The following ATXN2 variants were observed in gnomAD, a reference collection of about 807,000 sequenced individuals.
The protein encoded by ATXN2 is ataxin 2.
ATXN2 carries 37 observed loss-of-function variants against 138.6 expected under a neutral mutation model. The observed-to-expected ratio is 0.27, with a 90% CI of 0.21 to 0.35. The LOEUF is 0.35. Among genes scored for constraint, ATXN2 ranks in the 10% least tolerant of loss-of-function variants. ATXN2 has a pLI of 1.00. For missense variants in ATXN2, 1,216 were observed against 1,480.3 expected (o/e 0.82, Z 2.93); for synonymous variants, 549 against 543.7 (o/e 1.01, Z -0.13).
chr12:111,580,618 A>G, intron 1 of ATXN2, among the ~76,000 whole-genome samples: 1 of 135,598 alleles, frequency 7.4e-6, no homozygotes, highest in African/African-American at 2.7e-5. Context: ...CCTCAGCAAC[A>G]TAAGGAGACC....
At chr12:111,590,210 T>A (rs925527038) in intron 1 of ATXN2, among the ~76,000 whole-genome samples, 1 of 152,020 alleles carries the variant, frequency 6.6e-6, no homozygotes, top group Non-Finnish European at 1.5e-5. Flanking sequence ...TGAGACTCTG[T>A]CTCAAAATAA....
intron 5 of ATXN2, among the ~76,000 whole-genome samples, chr12:111,537,547 C>T (rs1337081017): frequency 6.7e-6 from 1 of 149,752 alleles, no homozygotes; most frequent in South Asian, 2.1e-4. Context: ...CATGCCACTG[C>T]GCTCCAGCCT....
chr12:111,516,462 T>C lies in ATXN2; in HGVS notation c.1166-99A>G. On this transcript the variant is annotated intron_variant, in intron 9 of 24. Transcript: ENST00000673436. The surrounding 1 kb of genome is among the most constrained non-coding windows in gnomAD (Gnocchi z 5.0). ...AAAGTAAAATGACAAAAATGATTTC[T>C]TGTACATTTTAACCCTTTGAGGACA... The C allele has an allele frequency of 8.5e-6, 10 of 1,171,796 alleles. No individual in the cohort carries two copies. Among genetic ancestry groups the C allele is most frequent in the Non-Finnish European group, 1.2e-5 (10 of 835,660 alleles). 72.6% of individuals were successfully genotyped at this position (1,171,796 alleles called of 1,614,324 possible).
rs118001907 is a variant in ATXN2 at position 111,554,397 on chromosome 12, C to T, written c.289-180G>A. On this transcript the variant is annotated intron_variant, in intron 2 of 24. Coordinates refer to ENST00000673436, the MANE Select transcript of ATXN2 (RefSeq NM_001372574.1). ...AAAATATGAAATTTTGGAGCATTTC[C>T]GATTAGGGATGCTCAGCCTGTATTT... 3.9e-4 allele frequency among the ~76,000 whole-genome samples: 59 copies of T among 152,114 alleles called. No individual in the cohort carries two copies. In the East Asian group the frequency reaches 9.9e-3, roughly 25 times the overall value.
chr12:111,598,207 G>C lies in ATXN2; in HGVS notation c.251+577C>G. The C allele has an allele frequency of 9.5e-7, 1 of 1,051,346 alleles. No homozygotes were observed. The highest frequency in any genetic ancestry group is 1.2e-6 in the Non-Finnish European group (1 of 867,622). The allele number at this position is 1,051,346 out of a possible 1,614,324, so 65.1% of individuals were successfully genotyped here. ...CCACCCCGTCCTCCGATCTTTCCCA[G>C]GACTCGGAGGGGGCGGGGAGAGAGC... On this transcript the variant is annotated intron_variant, in intron 1 of 24. Transcript: ENST00000673436. This position sits in a 1 kb window ranked among gnomAD's most constrained non-coding sequence, Gnocchi z 4.5.
chr12:111,465,917 G>A (rs1158058944), intron 20 of ATXN2, among the ~76,000 whole-genome samples: 1 of 151,854 alleles, frequency 6.6e-6, no homozygotes, highest in East Asian at 1.9e-4. Context: ...TGTAATCCCA[G>A]CACTTTGGGA....
At chr12:111,556,518 AG>A (rs1882396207) in intron 1 of ATXN2, among the ~76,000 whole-genome samples, 1 of 152,180 alleles carries the variant, frequency 6.6e-6, no homozygotes, top group Non-Finnish European at 1.5e-5. Context: ...CATCTATAAA[AG>A]AAAAACAGGT....
intron 1 of ATXN2, among the ~76,000 whole-genome samples, chr12:111,596,540 T>TA (rs1271510438): frequency 1.6e-4 from 24 of 152,200 alleles, no homozygotes; most frequent in Non-Finnish European, 7.4e-5. Context: ...CGCACAAACC[T>TA]AAGTGAGGAG....
intron 20 of ATXN2, chr12:111,469,280 C>T (rs1004092855): frequency 2.6e-5 from 4 of 152,182 alleles, no homozygotes; most frequent in African/African-American, 9.7e-5. Context: ...CAGAACAAAA[C>T]ATCTTAATGA....
At chr12:111,466,134 C>G (rs1323281977) in intron 20 of ATXN2, among the ~76,000 whole-genome samples, 1 of 148,372 alleles carries the variant, frequency 6.7e-6, no homozygotes, top group Non-Finnish European at 1.5e-5. Context: ...CCACTGCACT[C>G]CAGCCTGGGT....
intron 18 of ATXN2, among the ~76,000 whole-genome samples, chr12:111,477,253 G>T (rs1876889657): frequency 6.6e-6 from 1 of 151,668 alleles, no homozygotes; most frequent in African/African-American, 2.4e-5. Context: ...CTACTCGAGA[G>T]GCTGAGGCAG....
intron 5 of ATXN2, among the ~76,000 whole-genome samples, chr12:111,534,355 C>G (rs1302914358): frequency 6.6e-6 from 1 of 151,922 alleles, no homozygotes; most frequent in East Asian, 1.9e-4. Context: ...GAGCCAAGAT[C>G]TGCATCACCA....
chr12:111,529,104 G>A lies in ATXN2; in HGVS notation c.572-3788C>T, dbSNP rs189005505. 1.0e-3 allele frequency among the ~76,000 whole-genome samples: 158 copies of A among 151,958 alleles called. 1 individual carries two copies. Among genetic ancestry groups the A allele is most frequent in the African/African-American group, 3.7e-3 (153 of 41,462 alleles). ...CAAGTCGCTGAGATTACAGGCATGA[G>A]CCACTATGCCCAGCAAGTCTGGATT... On this transcript the variant is annotated intron_variant, in intron 5 of 24. Transcript: ENST00000673436.
At chr12:111,519,806 A>G (rs1880055557) in intron 8 of ATXN2, 73 bp downstream of exon 8, 11 of 1,601,942 alleles carry the variant, frequency 6.9e-6, no homozygotes, top group South Asian at 2.2e-5. Flanking sequence ...AGGAAATATA[A>G]TAACAATACA....
chr12:111,485,185 C>T (rs1311110092), intron 18 of ATXN2, 80 bp downstream of exon 18: 3 of 1,361,134 alleles, frequency 2.2e-6, no homozygotes, highest in Non-Finnish European at 3.1e-6. Context: ...TAAACTACAA[C>T]TATTTATTCA....
chr12:111,553,301 C>T lies in ATXN2; in HGVS notation c.349-324G>A, dbSNP rs541863728. Among the ~76,000 whole-genome samples, 6 of 152,206 alleles carry T rather than the reference C, an allele frequency of 3.9e-5. No individual in the cohort carries two copies. The South Asian group carries it at 1.2e-3, about 32-fold the overall frequency. ...ACACACAGCAGGGTTAACAAGAATACAGCTATCTGTTGTTATTGGTAGGGG... is the reference window on the plus strand; with the variant it reads ...ACACACAGCAGGGTTAACAAGAATATAGCTATCTGTTGTTATTGGTAGGGG... On this transcript the variant is annotated intron_variant, in intron 3 of 24. Coordinates refer to ENST00000673436, the MANE Select transcript of ATXN2 (RefSeq NM_001372574.1).
In ATXN2 at chr12:111,465,295, A is replaced by AT. The variant is rs10686219; in HGVS notation, c.2843-581dup. On this transcript the variant is annotated intron_variant, in intron 20 of 24. Coordinates refer to ENST00000673436, the MANE Select transcript of ATXN2 (RefSeq NM_001372574.1). ...GGTGGAGGGATTATGGATGCTTTTCATTTTTTTTTTTTTTAACTTAACTAT... is the reference window on the plus strand; with the variant it reads ...GGTGGAGGGATTATGGATGCTTTTCATTTTTTTTTTTTTTTAACTTAACTAT... Among the ~76,000 whole-genome samples the AT allele has an allele frequency of 6.4e-3, 934 of 145,924 alleles. 9 individuals are homozygous for AT. Among genetic ancestry groups the AT allele is most frequent in the African/African-American group, 0.014 (569 of 40,168 alleles).
chr12:111,476,115 C>T (rs555646013), intron 18 of ATXN2, among the ~76,000 whole-genome samples: 2 of 152,224 alleles, frequency 1.3e-5, no homozygotes, highest in East Asian at 3.9e-4. Context: ...CCACACCCAG[C>T]AAATTTTTAA....
chr12:111,482,178 C>T (rs1234699055), intron 18 of ATXN2, among the ~76,000 whole-genome samples: 1 of 148,108 alleles, frequency 6.8e-6, no homozygotes, highest in Non-Finnish European at 1.5e-5. Context: ...ATGGCAAAGC[C>T]CTTTCTCTAC....
Sources: allele counts gnomAD v4.1 joint callset (sites outside exome capture counted in the v4.1 genomes callset), GRCh38; gene constraint gnomAD v4.1.1; non-coding constraint Gnocchi (gnomAD v3.1); transcripts MANE v1.5; gene names NCBI Gene and HGNC (gene_info 2026-07-23, HGNC 2026-07-21).